Variants in PCDHA1 observed in about 807,000 individuals in gnomAD.
The protein encoded by PCDHA1 is protocadherin alpha 1, also known as protocadherin alpha-1.
PCDHA1 carries 42 observed loss-of-function variants against 61.3 expected under a neutral mutation model. The observed-to-expected ratio is 0.69, with a 90% CI of 0.54 to 0.89. The LOEUF (loss-of-function observed/expected upper bound fraction) is 0.89, where lower values mean the gene tolerates loss of function less well. PCDHA1 is among the 40% of genes least tolerant of loss of function. The pLI is 0.00. For synonymous variants in PCDHA1, 610 were observed against 553.8 expected (o/e 1.10, Z -1.43); for missense variants, 1,256 against 1,235.3 (o/e 1.02, Z -0.25).
intron 1 of PCDHA1, among the ~76,000 whole-genome samples, chr5:140,977,031 G>A (rs1554238180): frequency 6.6e-6 from 1 of 152,192 alleles, no homozygotes; most frequent in Admixed American, 6.5e-5. Context: ...ATGAATCTAA[G>A]AAGGATGTTG....
chr5:141,003,714 C>T (rs781976885), intron 3 of PCDHA1, among the ~76,000 whole-genome samples: 17 of 152,266 alleles, frequency 1.1e-4, no homozygotes, highest in South Asian at 2.1e-4. Flanking sequence ...GTGAAGATAT[C>T]GGCTAATCCA....
chr5:140,999,507 T>A (rs2097860188), intron 3 of PCDHA1, among the ~76,000 whole-genome samples: 1 of 152,078 alleles, frequency 6.6e-6, no homozygotes, highest in South Asian at 2.1e-4. Flanking sequence ...GAACCTACAT[T>A]TTAAGCATTT....
chr5:140,844,416 T>C (rs2150371030), intron 1 of PCDHA1, among the ~76,000 whole-genome samples: 3 of 149,642 alleles, frequency 2.0e-5, no homozygotes, highest in Admixed American at 6.7e-5. Context: ...TGGAGACATG[T>C]TTTTTATTCT....
At position 140,850,532 on chromosome 5, in the gene PCDHA1, G is replaced by A. The variant is rs140380568; in HGVS notation, c.2394+61848G>A. 9.4e-6 allele frequency: 15 copies of A among 1,598,364 alleles called. 1 individual carries two copies. Among genetic ancestry groups the A allele is most frequent in the Admixed American group, 6.7e-5 (4 of 59,316 alleles). ...AGAGCGGCCAGGCGCCAAAGTCATC[G>A]TCGCGGGCGTCAGTGGGTGCCACGG... On this transcript the variant is annotated intron_variant, in intron 1 of 3. Transcript: ENST00000504120.
chr5:140,801,195 G>T, intron 1 of PCDHA1: 2 of 1,589,630 alleles, frequency 1.3e-6, no homozygotes, highest in South Asian at 2.3e-5. Context: ...GAAAATACTT[G>T]CAATGTTGTT....
intron 1 of PCDHA1, chr5:140,966,382 G>C (rs1188243032): frequency 5.0e-6 from 2 of 403,766 alleles, no homozygotes; most frequent in Non-Finnish European, 4.3e-6. Flanking sequence ...GTCCGGGTTC[G>C]CTGTCCGCCA....
intron 1 of PCDHA1, chr5:140,807,808 G>T (rs992908265): frequency 9.9e-6 from 16 of 1,614,150 alleles, no homozygotes; most frequent in Non-Finnish European, 1.3e-5. Flanking sequence ...AAGCTCCGGA[G>T]ATTTTTTTAG....
At chr5:140,980,910 T>G (rs1554242463) in intron 2 of PCDHA1, among the ~76,000 whole-genome samples, 1 of 152,206 alleles carries the variant, frequency 6.6e-6, no homozygotes, top group East Asian at 1.9e-4. Context: ...ATGTAACTAT[T>G]CTTTAAAAAA....
chr5:140,890,726 T>C (rs2062772984), intron 1 of PCDHA1, among the ~76,000 whole-genome samples: 1 of 152,214 alleles, frequency 6.6e-6, no homozygotes. Context: ...TTTAATCCCT[T>C]TTGACTTATA....
At chr5:140,919,050 G>T (rs2153552038) in intron 1 of PCDHA1, among the ~76,000 whole-genome samples, 1 of 152,302 alleles carries the variant, frequency 6.6e-6, no homozygotes, top group Admixed American at 6.5e-5. Context: ...ATTATTGGAA[G>T]TGGAGTATTA....
At chr5:140,831,061 C>T (rs1771357408) in intron 1 of PCDHA1, 1 of 152,162 alleles carries the variant, frequency 6.6e-6, no homozygotes, top group Non-Finnish European at 1.5e-5. Context: ...TATTGTCCCC[C>T]TTTTAAACCA....
intron 1 of PCDHA1, chr5:140,855,963 AT>A: frequency 7.1e-7 from 1 of 1,404,396 alleles, no homozygotes; most frequent in Non-Finnish European, 9.7e-7. Context: ...TAAAAAATAG[AT>A]ATAAGAAATA....
At chr5:140,881,046 T>C (rs1554171694) in intron 1 of PCDHA1, among the ~76,000 whole-genome samples, 1 of 152,238 alleles carries the variant, frequency 6.6e-6, no homozygotes, top group African/African-American at 2.4e-5. Context: ...TATAGAGTTG[T>C]GCACAGAACA....
chr5:140,915,887 TC>T (rs1276492784), intron 1 of PCDHA1, among the ~76,000 whole-genome samples: 1 of 152,078 alleles, frequency 6.6e-6, no homozygotes, highest in African/African-American at 2.4e-5. Context: ...GGTAGCAAGT[TC>T]CCCCTGGCCC....
At chr5:140,905,446 A>G (rs1421760693) in intron 1 of PCDHA1, among the ~76,000 whole-genome samples, 2 of 152,180 alleles carry the variant, frequency 1.3e-5, no homozygotes, top group East Asian at 3.9e-4. Flanking sequence ...GCCTTTTAGT[A>G]TAATTTAAAG....
At chr5:140,802,868 C>T (rs199682432) in intron 1 of PCDHA1, 48 of 1,613,720 alleles carry the variant, frequency 3.0e-5, no homozygotes, top group Middle Eastern at 1.7e-4. Context: ...TCGTGCTGGA[C>T]GAGAACGACA....
At chr5:140,968,539 C>T (rs781815829) in intron 1 of PCDHA1, 30 of 1,614,078 alleles carry the variant, frequency 1.9e-5, no homozygotes, top group East Asian at 6.7e-5. Context: ...CAGCAGCCTT[C>T]GAGATGGTGC....
At chr5:140,996,697 C>T (rs559736986) in intron 3 of PCDHA1, among the ~76,000 whole-genome samples, 1 of 152,236 alleles carries the variant, frequency 6.6e-6, no homozygotes, top group East Asian at 1.9e-4. Flanking sequence ...TCTTCTGAAC[C>T]TCTATCTCTT....
At chr5:140,977,634 T>A (rs187884163) in intron 1 of PCDHA1, among the ~76,000 whole-genome samples, 83 of 152,298 alleles carry the variant, frequency 5.4e-4, no homozygotes, top group African/African-American at 1.9e-3. Context: ...TTGTAACTTT[T>A]TCTGGGCCTT....
Sources: allele counts gnomAD v4.1 joint callset (sites outside exome capture counted in the v4.1 genomes callset), GRCh38; gene constraint gnomAD v4.1.1; transcripts MANE v1.5; gene names NCBI Gene and HGNC (gene_info 2026-07-23, HGNC 2026-07-21).